The following PDE7B variants were observed in gnomAD, a reference collection of about 807,000 sequenced individuals.
The protein encoded by PDE7B is phosphodiesterase 7B.
PDE7B carries 29 observed loss-of-function variants against 56.2 expected under a neutral mutation model. That is an observed-to-expected ratio of 0.52 (90% confidence interval 0.38 to 0.70). The LOEUF (loss-of-function observed/expected upper bound fraction) is 0.70, where lower values mean the gene tolerates loss of function less well. Ranked by LOEUF, PDE7B falls within the 30% of genes least tolerant of loss-of-function variation. PDE7B has a pLI of 0.00. For missense variants in PDE7B, 490 were observed against 565.0 expected (o/e 0.87, Z 1.35); for synonymous variants, 197 against 196.9 (o/e 1.00, Z 0.00).
intron 1 of PDE7B, among the ~76,000 whole-genome samples, chr6:135,900,163 G>C (rs956423157): frequency 3.3e-5 from 5 of 151,792 alleles, no homozygotes; most frequent in African/African-American, 1.2e-4. Context: ...TAGTTTGTTA[G>C]CATGAAGTCT....
chr6:136,110,712 A>T (rs11964946), intron 3 of PDE7B, among the ~76,000 whole-genome samples: 7,445 of 126,968 alleles, frequency 0.059, 710 homozygotes, highest in African/African-American at 0.2. Context: ...ATTCTGCAAC[A>T]TTTTTTTTTT....
intron 2 of PDE7B, among the ~76,000 whole-genome samples, chr6:135,982,112 C>T (rs1308475342): frequency 3.3e-5 from 5 of 152,106 alleles, no homozygotes; most frequent in East Asian, 1.9e-4. Flanking sequence ...TCCTGACCCC[C>T]CCTCTTTCTA....
chr6:136,161,380 G>A (rs977515935), intron 8 of PDE7B, among the ~76,000 whole-genome samples: 6 of 152,040 alleles, frequency 3.9e-5, no homozygotes, highest in East Asian at 1.9e-4. Context: ...CCTCAATACC[G>A]AGAACAGTTC....
intron 2 of PDE7B, among the ~76,000 whole-genome samples, chr6:136,076,490 C>A (rs1777130543): frequency 6.6e-6 from 1 of 151,956 alleles, no homozygotes; most frequent in South Asian, 2.1e-4. Flanking sequence ...TAAAAATAAG[C>A]TAATGTGTGC....
At chr6:136,082,175 T>C (rs560735790) in intron 2 of PDE7B, among the ~76,000 whole-genome samples, 40 of 152,288 alleles carry the variant, frequency 2.6e-4, no homozygotes, top group Middle Eastern at 3.4e-3. Flanking sequence ...TCAATGGGAA[T>C]TACACAGGCC....
chr6:135,999,269 T>C (rs1002487907), intron 2 of PDE7B, among the ~76,000 whole-genome samples: 1 of 152,202 alleles, frequency 6.6e-6, no homozygotes, highest in Non-Finnish European at 1.5e-5. Context: ...TTTTTTCTTG[T>C]AACTTTTATT....
At position 136,155,644 on chromosome 6, in the gene PDE7B, G is replaced by A. The variant is rs35463106; in HGVS notation, c.597G>A (p.Thr199=). 1,514 of 1,608,910 alleles carry A rather than the reference G, an allele frequency of 9.4e-4. 3 individuals are homozygous for A. The highest frequency in any genetic ancestry group is 7.3e-3 in the African/African-American group (546 of 74,852). The part of the protein sequence containing the change: ...LKEPKLASFL[T]PLDIMLGLLA... The stretch of plus-strand genomic sequence containing the variant: ...TTTAACAGCTTGCCAGCTTCCTCAC[G>A]CCTCTGGACATCATGCTTGGACTGC... The change falls in exon 8 of 13, where the codon ACG becomes ACA. Residue 199 remains threonine (T), a synonymous_variant. Coordinates refer to ENST00000308191, the MANE Select transcript of PDE7B (RefSeq NM_018945.4).
chr6:135,980,184 A>C (rs548990315), intron 2 of PDE7B, among the ~76,000 whole-genome samples: 31 of 152,326 alleles, frequency 2.0e-4, no homozygotes, highest in Admixed American at 7.8e-4. Context: ...AAAACAAGCA[A>C]TGAGGAAAGG....
chr6:135,930,063 C>T (rs867222823), intron 1 of PDE7B, among the ~76,000 whole-genome samples: 1 of 152,082 alleles, frequency 6.6e-6, no homozygotes, highest in African/African-American at 2.4e-5. Flanking sequence ...AAAGACATAC[C>T]CGAGACTGGG....
chr6:135,971,324 A>G (rs1488795685), intron 2 of PDE7B, among the ~76,000 whole-genome samples: 1 of 152,174 alleles, frequency 6.6e-6, no homozygotes, highest in Non-Finnish European at 1.5e-5. Flanking sequence ...CAATATCTTG[A>G]TCTTAGACTT....
Position 136,149,149 on chromosome 6 carries a change from T to C in PDE7B, c.381T>C (p.Asn127=), listed in dbSNP as rs114830958. ...TTTTCTTGTTTGATCGCTTGACAAA[T>C]GGTAAGTTACCCAAAAGAATTCTCA... The part of the protein sequence containing the change: ...FDIFLFDRLT[N]GNSLVTLLCH... The change falls in exon 5 of 13, where the codon AAT becomes AAC. Residue 127 remains asparagine (N), a splice_region_variant and synonymous_variant. Transcript: ENST00000308191. 1.0e-4 allele frequency: 165 copies of C among 1,599,496 alleles called. 2 individuals are homozygous for C. The African/African-American group carries it at 2.0e-3, about 19-fold the overall frequency.
intron 8 of PDE7B, among the ~76,000 whole-genome samples, chr6:136,172,862 G>T (rs1159709804): frequency 6.6e-6 from 1 of 152,158 alleles, no homozygotes; most frequent in African/African-American, 2.4e-5. Context: ...ACCAATAACA[G>T]ACAAACAGAG....
intron 2 of PDE7B, among the ~76,000 whole-genome samples, chr6:136,020,938 T>A (rs1340066294): frequency 2.6e-5 from 4 of 152,192 alleles, no homozygotes; most frequent in African/African-American, 9.7e-5. Context: ...ACAATAGTAT[T>A]ATGGCCTGCC....
intron 2 of PDE7B, chr6:136,037,900 C>A: frequency 8.6e-7 from 1 of 1,167,782 alleles, no homozygotes; most frequent in Non-Finnish European, 1.1e-6. Flanking sequence ...TTTTTTTCTC[C>A]CTGCTGTCGT....
intron 2 of PDE7B, among the ~76,000 whole-genome samples, chr6:136,068,735 A>G (rs969763745): frequency 2.0e-5 from 3 of 152,116 alleles, no homozygotes; most frequent in Admixed American, 6.5e-5. Flanking sequence ...CCGGCCTTCA[A>G]GATTCTTATT....
intron 1 of PDE7B, among the ~76,000 whole-genome samples, chr6:135,901,221 C>CT (rs930413067): frequency 1.3e-5 from 2 of 152,172 alleles, no homozygotes; most frequent in African/African-American, 4.8e-5. Context: ...CATACTTGGG[C>CT]TTCTCCTATG....
At chr6:135,869,660 A>C (rs1181975100) in intron 1 of PDE7B, among the ~76,000 whole-genome samples, 1 of 152,206 alleles carries the variant, frequency 6.6e-6, no homozygotes, top group Non-Finnish European at 1.5e-5. Flanking sequence ...CTACGAAGAA[A>C]GTAAGACAAA....
In PDE7B at chr6:135,935,190, T is replaced by TTATATATATATATATATATATATATA. The variant is rs60829896; in HGVS notation, c.22-12272_22-12247dup. Among the ~76,000 whole-genome samples the TTATATATATATATATATATATATATA allele has an allele frequency of 1.8e-3, 66 of 36,170 alleles. 3 individuals carry two copies. The highest frequency in any genetic ancestry group is 5.9e-3 in the African/African-American group (49 of 8,338). The allele number at this position is 36,170 out of a possible 152,430, so 23.7% of individuals were successfully genotyped here. On this transcript the variant is annotated intron_variant, in intron 1 of 12. Coordinates refer to ENST00000308191, the MANE Select transcript of PDE7B (RefSeq NM_018945.4). ...GAGAATTTTATATATATATATTTAT[T>TTATATATATATATATATATATATATA]TATATATATATATATATATATATAT...
At chr6:136,188,633 A>G (rs769074787) in intron 12 of PDE7B, among the ~76,000 whole-genome samples, 59 of 152,366 alleles carry the variant, frequency 3.9e-4, no homozygotes, top group Non-Finnish European at 6.6e-4. Context: ...CACGTGGTTC[A>G]GCACACAACC....
Sources: gnomAD v4.1 joint callset for allele counts (sites outside exome capture counted in the v4.1 genomes callset) on GRCh38, gnomAD v4.1.1 for gene constraint, MANE v1.5 for transcripts, NCBI Gene and HGNC (gene_info 2026-07-23, HGNC 2026-07-21) for gene names.